DIAPH2: variants seen among roughly 807,000 people sequenced by gnomAD.
The protein encoded by DIAPH2 is diaphanous related formin 2.
Under a neutral mutation model 92.7 loss-of-function variants are expected in DIAPH2, and 35 were observed. That is an observed-to-expected ratio of 0.38 (90% CI 0.29 to 0.50). The LOEUF is 0.50. Ranked by LOEUF, DIAPH2 falls within the 20% of genes least tolerant of loss-of-function variation. The pLI is 0.94. For synonymous variants in DIAPH2, 301 were observed against 280.4 expected (o/e 1.07, Z -0.73); for missense variants, 701 against 819.5 (o/e 0.86, Z 1.77).
chrX:97,483,972 T>A (rs995699687), intron 26 of DIAPH2, among the ~76,000 whole-genome samples: 6 of 111,846 alleles, frequency 5.4e-5, no homozygotes, highest in African/African-American at 1.9e-4. Context: ...TTTCTGAAAA[T>A]CTTTTAAAAA....
chrX:97,092,451 C>T (rs1266417832), intron 19 of DIAPH2, among the ~76,000 whole-genome samples: 2 of 112,114 alleles, frequency 1.8e-5, no homozygotes, highest in Non-Finnish European at 1.9e-5. Context: ...AGATGACAAG[C>T]GTTGTTTCTG....
chrX:97,141,647 G>A lies in DIAPH2; in HGVS notation c.2590-18G>A, dbSNP rs772358608. The A allele has an allele frequency of 3.4e-6, 4 of 1,170,691 alleles. No individual in the cohort carries two copies. The East Asian group carries it at 1.2e-4, about 36-fold the overall frequency. On this transcript the variant is annotated intron_variant, in intron 21 of 26. Coordinates refer to ENST00000324765, the MANE Select transcript of DIAPH2 (RefSeq NM_006729.5). ...TTACTAAAAAATTACTAAAAAATGTGTTGTTGTTTTCTCCCAGATCAGAGA... is the reference window on the plus strand; with the variant it reads ...TTACTAAAAAATTACTAAAAAATGTATTGTTGTTTTCTCCCAGATCAGAGA...
chrX:96,849,717 T>C (rs2064995122), intron 4 of DIAPH2, among the ~76,000 whole-genome samples: 1 of 111,858 alleles, frequency 8.9e-6, no homozygotes, highest in Non-Finnish European at 1.9e-5. Context: ...TCATGAATGA[T>C]GAAGTTGCCA....
chrX:97,455,155 C>CCAGAT (rs2070393126), intron 26 of DIAPH2, among the ~76,000 whole-genome samples: 1 of 112,303 alleles, frequency 8.9e-6, no homozygotes, highest in Non-Finnish European at 1.9e-5. Context: ...TCTCTGCTAT[C>CCAGAT]CAGATCAACT....
At chrX:97,077,479 G>A (rs2066712965) in intron 19 of DIAPH2, among the ~76,000 whole-genome samples, 1 of 112,117 alleles carries the variant, frequency 8.9e-6, no homozygotes, top group Non-Finnish European at 1.9e-5. Context: ...CTCCATCCAT[G>A]CATAATTATT....
At chrX:97,355,008 C>G (rs1382106888) in intron 24 of DIAPH2, among the ~76,000 whole-genome samples, 1 of 112,363 alleles carries the variant, frequency 8.9e-6, no homozygotes, top group Admixed American at 9.4e-5. Flanking sequence ...ACTGAGTTCA[C>G]TCTTACGTTA....
At chrX:97,034,834 TC>T (rs1265478999) in intron 17 of DIAPH2, among the ~76,000 whole-genome samples, 1 of 111,319 alleles carries the variant, frequency 9.0e-6, no homozygotes, top group African/African-American at 3.3e-5. Flanking sequence ...ATGGTATTTT[TC>T]TAGACATTGT....
chrX:96,853,618 T>G (rs1363278367), intron 4 of DIAPH2, among the ~76,000 whole-genome samples: 3 of 111,658 alleles, frequency 2.7e-5, no homozygotes, highest in Non-Finnish European at 5.7e-5. Flanking sequence ...TATACTGTAC[T>G]GCTAAAGAGA....
intron 26 of DIAPH2, among the ~76,000 whole-genome samples, chrX:97,438,355 G>GTTTTT (rs1275825737): frequency 0.012 from 484 of 41,723 alleles, 38 homozygotes; most frequent in Non-Finnish European, 0.015. Flanking sequence ...TTTTTTGTTT[G>GTTTTT]TTTGTTTTTT....
intron 17 of DIAPH2, among the ~76,000 whole-genome samples, chrX:97,050,837 C>T (rs1034056830): frequency 5.4e-5 from 6 of 111,650 alleles, no homozygotes; most frequent in Admixed American, 2.8e-4. Context: ...ACATTCATTA[C>T]TTTCAGAAAT....
intron 25 of DIAPH2, among the ~76,000 whole-genome samples, chrX:97,416,036 A>G (rs2069942442): frequency 9.0e-6 from 1 of 111,657 alleles, no homozygotes; most frequent in African/African-American, 3.3e-5. Flanking sequence ...TTATCAACAG[A>G]CAGAAGTAAG....
At chrX:97,247,927 T>A in intron 23 of DIAPH2, 88 bp downstream of exon 23, 1 of 855,637 alleles carries the variant, frequency 1.2e-6, no homozygotes, top group Non-Finnish European at 1.6e-6. Flanking sequence ...CTAGATTTAC[T>A]AGTCTTTTCA....
At position 96,937,516 on chromosome X, in the gene DIAPH2, G is replaced by A. The variant is rs187573859; in HGVS notation, c.1208+165G>A. Reference sequence around the variant, plus strand: ...TGCTGTCCTTGAGATTCATGTTGAGGAATTGTCAGGCTGTCTTGATGATTT... The same window carrying A: ...TGCTGTCCTTGAGATTCATGTTGAGAAATTGTCAGGCTGTCTTGATGATTT... On this transcript the variant is annotated intron_variant, in intron 11 of 26. Transcript: ENST00000324765. Among the ~76,000 whole-genome samples the A allele has an allele frequency of 4.3e-3, 479 of 111,567 alleles. 2 individuals are homozygous for A. The highest frequency in any genetic ancestry group is 0.015 in the African/African-American group (462 of 30,748).
At chrX:96,967,284 C>T (rs1019188660) in intron 17 of DIAPH2, among the ~76,000 whole-genome samples, 3 of 111,794 alleles carry the variant, frequency 2.7e-5, no homozygotes, top group Non-Finnish European at 3.8e-5. Flanking sequence ...TAAGTGAGAA[C>T]ATGCAGTATT....
intron 26 of DIAPH2, among the ~76,000 whole-genome samples, chrX:97,568,102 C>T (rs778383476): frequency 1.6e-5 from 1 of 62,692 alleles, no homozygotes; most frequent in East Asian, 5.8e-4. Flanking sequence ...GGCGACAGAA[C>T]GAGACTCCAT....
rs756289030 is a variant in DIAPH2, at chrX:96,962,272, T to C, written c.1936-2821T>C. On this transcript the variant is annotated intron_variant, in intron 16 of 26. Transcript: ENST00000324765. ...AAAGTGATGCCTTTCTATATATATATACATATATATATACATATATATATA... is the reference window on the plus strand; with the variant it reads ...AAAGTGATGCCTTTCTATATATATACACATATATATATACATATATATATA... 9.7e-4 allele frequency among the ~76,000 whole-genome samples: 79 copies of C among 81,658 alleles called. 3 individuals carry two copies. The highest frequency in any genetic ancestry group is 0.012 in the Middle Eastern group (2 of 168). The allele number at this position is 81,658 out of a possible 115,157, so 70.9% of individuals were successfully genotyped here. A position where few individuals can be genotyped will look rare whatever the true frequency, so the allele number is the denominator to read the frequency against.
intron 22 of DIAPH2, among the ~76,000 whole-genome samples, chrX:97,232,414 T>C (rs1051445056): frequency 9.0e-6 from 1 of 111,357 alleles, no homozygotes; most frequent in Admixed American, 9.6e-5. Flanking sequence ...TTTGTATTTT[T>C]AGTAGCGACG....
At chrX:97,379,204 T>A (rs73552464) in intron 24 of DIAPH2, among the ~76,000 whole-genome samples, 1,973 of 111,435 alleles carry the variant, frequency 0.018, 43 homozygotes, top group African/African-American at 0.061. Context: ...GAAAATCATA[T>A]TCAGTATAGT....
intron 24 of DIAPH2, among the ~76,000 whole-genome samples, chrX:97,369,789 A>C (rs2069426321): frequency 9.0e-6 from 1 of 111,700 alleles, no homozygotes; most frequent in African/African-American, 3.3e-5. Flanking sequence ...CTTTGTGAAA[A>C]ACAAATTGAG....
Sources: gnomAD v4.1 joint callset for allele counts (sites outside exome capture counted in the v4.1 genomes callset) on GRCh38, gnomAD v4.1.1 for gene constraint, MANE v1.5 for transcripts, NCBI Gene and HGNC (gene_info 2026-07-23, HGNC 2026-07-21) for gene names.